The following IGSF11 variants were observed in gnomAD, a reference collection of about 807,000 sequenced individuals.
IGSF11 encodes the protein immunoglobulin superfamily member 11, also known as CXADR like 1.
IGSF11 carries 22 observed loss-of-function variants against 41.0 expected under a neutral mutation model. The ratio of observed to expected loss-of-function variants is 0.54; its 90% CI spans 0.38 to 0.77. The LOEUF is 0.77. IGSF11 is among the 30% of genes least tolerant of loss of function. The pLI is 0.00. For synonymous variants in IGSF11, 219 were observed against 201.3 expected (o/e 1.09, Z -0.74); for missense variants, 444 against 530.8 (o/e 0.84, Z 1.61).
chr3:118,990,164 A>C (rs566279105), intron 1 of IGSF11, among the ~76,000 whole-genome samples: 188 of 152,350 alleles, frequency 1.2e-3, no homozygotes, highest in African/African-American at 4.4e-3. Context: ...ACCACTGAAG[A>C]GTTTTATAAG....
chr3:118,962,008 T>C (rs921322069), intron 1 of IGSF11, among the ~76,000 whole-genome samples: 1 of 152,216 alleles, frequency 6.6e-6, no homozygotes, highest in Admixed American at 6.5e-5. Flanking sequence ...GATTTACAGA[T>C]AGGTAATTAT....
At chr3:118,993,762 C>T (rs965357197) in intron 1 of IGSF11, among the ~76,000 whole-genome samples, 2 of 152,064 alleles carry the variant, frequency 1.3e-5, no homozygotes, top group Non-Finnish European at 2.9e-5. Flanking sequence ...CACAAAAGAC[C>T]ACATGTGGCA....
chr3:118,951,529 A>C (rs1405927930), intron 1 of IGSF11, among the ~76,000 whole-genome samples: 1 of 152,152 alleles, frequency 6.6e-6, no homozygotes, highest in Non-Finnish European at 1.5e-5. Flanking sequence ...CACTTCAAGA[A>C]AGCTTCAAGT....
chr3:118,940,443 C>T (rs1288967516), intron 1 of IGSF11, among the ~76,000 whole-genome samples: 1 of 152,060 alleles, frequency 6.6e-6, no homozygotes, highest in Non-Finnish European at 1.5e-5. Context: ...GCATCCAAAA[C>T]ATGAAATACT....
At chr3:119,021,157 C>T (rs1939247027) in intron 1 of IGSF11, among the ~76,000 whole-genome samples, 1 of 152,108 alleles carries the variant, frequency 6.6e-6, no homozygotes, top group African/African-American at 2.4e-5. Context: ...ATCCCTTATA[C>T]AATACAAATG....
intron 4 of IGSF11, among the ~76,000 whole-genome samples, chr3:118,914,366 T>C (rs1478248366): frequency 1.3e-5 from 2 of 151,230 alleles, no homozygotes; most frequent in Non-Finnish European, 2.9e-5. Context: ...CACTAGGGAG[T>C]GCCAGACAGT....
At chr3:118,963,858 A>T (rs1945499459) in intron 1 of IGSF11, among the ~76,000 whole-genome samples, 1 of 152,286 alleles carries the variant, frequency 6.6e-6, no homozygotes. Context: ...CATTGACTTT[A>T]ATTGACTGGT....
chr3:119,097,957 A>ATTTTTTTTTTTTTTTTTTTTT lies in IGSF11; in HGVS notation c.49+7166_49+7186dup, dbSNP rs377746200. Among the ~76,000 whole-genome samples the ATTTTTTTTTTTTTTTTTTTTT allele has an allele frequency of 1.5e-3, 88 of 58,364 alleles. 15 individuals carry two copies. Among genetic ancestry groups the ATTTTTTTTTTTTTTTTTTTTT allele is most frequent in the Non-Finnish European group, 2.2e-3 (63 of 29,260 alleles). The allele number at this position is 58,364 out of a possible 152,430, so 38.3% of individuals were successfully genotyped here. On this transcript the variant is annotated intron_variant, in intron 1 of 6. Transcript: ENST00000354673. Reference sequence around the variant, plus strand: ...AGGCACATGCCACCACATTCAGCTAATTTTTTTTTTTTTTTTTTTTTTTTT... The same window carrying ATTTTTTTTTTTTTTTTTTTTT: ...AGGCACATGCCACCACATTCAGCTAATTTTTTTTTTTTTTTTTTTTTTTTTTTTTTTTTTTTTTTTTTTTTT...
chr3:119,113,005 G>T (rs962105849), intron 1 of IGSF11, among the ~76,000 whole-genome samples: 2 of 152,094 alleles, frequency 1.3e-5, no homozygotes, highest in African/African-American at 4.8e-5. Context: ...CAAAGGGGGA[G>T]GTGCTACACA....
chr3:119,119,254 G>T (rs2077300184), intron 1 of IGSF11, among the ~76,000 whole-genome samples: 1 of 152,176 alleles, frequency 6.6e-6, no homozygotes, highest in South Asian at 2.1e-4. Context: ...AAGAGTTTAA[G>T]GGACTTAAAC....
intron 1 of IGSF11, among the ~76,000 whole-genome samples, chr3:119,039,902 T>C (rs1253884026): frequency 3.3e-5 from 5 of 152,222 alleles, no homozygotes; most frequent in Admixed American, 3.3e-4. Flanking sequence ...TCCATCTTGC[T>C]TCTAACCTCC....
chr3:118,932,085 A>C (rs999215036), intron 1 of IGSF11, among the ~76,000 whole-genome samples: 10 of 152,222 alleles, frequency 6.6e-5, no homozygotes, highest in African/African-American at 2.4e-4. Context: ...AATATAAATT[A>C]TATGTCAACA....
At chr3:119,120,536 T>G (rs2077318153) in intron 1 of IGSF11, among the ~76,000 whole-genome samples, 1 of 152,238 alleles carries the variant, frequency 6.6e-6, no homozygotes, top group Non-Finnish European at 1.5e-5. Context: ...TGCAGTGGAA[T>G]GCAATCAATT....
chr3:119,010,041 G>A (rs573181856), intron 1 of IGSF11, among the ~76,000 whole-genome samples: 2 of 152,000 alleles, frequency 1.3e-5, no homozygotes, highest in South Asian at 2.1e-4. Context: ...AACAAAAAAG[G>A]GAAAAGAGAT....
chr3:119,056,650 C>T (rs1429644081), intron 1 of IGSF11, among the ~76,000 whole-genome samples: 1 of 152,138 alleles, frequency 6.6e-6, no homozygotes, highest in Non-Finnish European at 1.5e-5. Flanking sequence ...GATACCAAAG[C>T]CTGGCAGAGA....
upstream of IGSF11, among the ~76,000 whole-genome samples, chr3:119,109,795 G>C (rs1576811182): frequency 6.6e-6 from 1 of 152,012 alleles, no homozygotes; most frequent in African/African-American, 2.4e-5. Flanking sequence ...TTGTGTCTTT[G>C]TTCTCGTTGG....
chr3:118,912,842 A>G (rs1170101530), intron 4 of IGSF11, among the ~76,000 whole-genome samples: 1 of 152,148 alleles, frequency 6.6e-6, no homozygotes, highest in African/African-American at 2.4e-5. Context: ...GACAAAGGCA[A>G]CATAGAAATA....
At chr3:118,956,276 T>C (rs912757378) in intron 1 of IGSF11, among the ~76,000 whole-genome samples, 1 of 152,210 alleles carries the variant, frequency 6.6e-6, no homozygotes, top group Non-Finnish European at 1.5e-5. Context: ...TTTCACTCTC[T>C]TATAAGTTGT....
intron 1 of IGSF11, among the ~76,000 whole-genome samples, chr3:119,075,400 AAAG>A (rs1370600904): frequency 2.3e-4 from 35 of 152,228 alleles, no homozygotes; most frequent in African/African-American, 8.0e-4. Context: ...ACCAGAAGTA[AAAG>A]AAGATCTGGT....
Sources: allele counts gnomAD v4.1 joint callset (sites outside exome capture counted in the v4.1 genomes callset), GRCh38; gene constraint gnomAD v4.1.1; transcripts MANE v1.5; gene names NCBI Gene and HGNC (gene_info 2026-07-23, HGNC 2026-07-21).